NELL2: variants seen among roughly 807,000 people sequenced by gnomAD.
NELL2 encodes the protein protein kinase C-binding protein NELL2.
A neutral mutation model predicts 109.6 loss-of-function variants in NELL2; 41 were observed. The ratio of observed to expected loss-of-function variants is 0.37; its 90% CI spans 0.29 to 0.49. The LOEUF is 0.49. Ranked by LOEUF, NELL2 falls within the 20% of genes least tolerant of loss-of-function variation. NELL2 has a pLI of 0.98. For synonymous variants in NELL2, 355 were observed against 344.7 expected (o/e 1.03, Z -0.33); for missense variants, 900 against 1,008.3 (o/e 0.89, Z 1.45).
At chr12:44,874,179 T>C (rs1945247152) in intron 2 of NELL2, among the ~76,000 whole-genome samples, 2 of 152,178 alleles carry the variant, frequency 1.3e-5, no homozygotes, top group African/African-American at 4.8e-5. Flanking sequence ...TTTTCCGAAG[T>C]GGTTTCCTTT....
chr12:44,865,377 G>A lies in NELL2; in HGVS notation c.184+9848C>T, dbSNP rs1262188621. ...ACACATGCACACGTATGTTTATTGTGGCATTATTCACAATAGCAAAGACTT... is the reference window on the plus strand; with the variant it reads ...ACACATGCACACGTATGTTTATTGTAGCATTATTCACAATAGCAAAGACTT... On this transcript the variant is annotated intron_variant, in intron 2 of 19. Coordinates refer to ENST00000429094, the MANE Select transcript of NELL2 (RefSeq NM_001145108.2). Among the ~76,000 whole-genome samples the A allele has an allele frequency of 2.6e-4, 35 of 134,742 alleles. No homozygotes were observed. The East Asian group carries it at 4.6e-3, about 18-fold the overall frequency. The allele number at this position is 134,742 out of a possible 152,430, so 88.4% of individuals were successfully genotyped here.
intron 12 of NELL2, among the ~76,000 whole-genome samples, chr12:44,681,593 G>A (rs1339206392): frequency 6.6e-6 from 1 of 151,394 alleles, no homozygotes; most frequent in Non-Finnish European, 1.5e-5. Context: ...ACAGTCCCCA[G>A]ACTGTGATGT....
chr12:44,521,433 G>A (rs988515401), intron 18 of NELL2, among the ~76,000 whole-genome samples: 1 of 150,926 alleles, frequency 6.6e-6, no homozygotes, highest in African/African-American at 2.5e-5. Flanking sequence ...GGGAGGCTGA[G>A]GCAGGAGAAT....
upstream of NELL2, among the ~76,000 whole-genome samples, chr12:44,919,139 T>A (rs1367640036): frequency 6.6e-6 from 1 of 152,156 alleles, no homozygotes. Flanking sequence ...CAGCTACTTG[T>A]AGCCACAAAC....
chr12:44,595,365 GA>G (rs1401159107), intron 15 of NELL2, among the ~76,000 whole-genome samples: 1 of 152,170 alleles, frequency 6.6e-6, no homozygotes, highest in Non-Finnish European at 1.5e-5. Flanking sequence ...CCTCATTTAA[GA>G]AGGAGAAGAA....
At chr12:44,684,971 C>A (rs968466507) in intron 12 of NELL2, among the ~76,000 whole-genome samples, 2 of 151,992 alleles carry the variant, frequency 1.3e-5, no homozygotes, top group Non-Finnish European at 2.9e-5. Context: ...CCTGGGTATC[C>A]TTGTTGACTT....
intron 17 of NELL2, 62 bp downstream of exon 17, chr12:44,523,229 A>G (rs1326125964): frequency 2.6e-6 from 4 of 1,550,618 alleles, no homozygotes; most frequent in East Asian, 2.2e-5. Context: ...CCATATACAC[A>G]CTTAAAACAT....
intron 9 of NELL2, among the ~76,000 whole-genome samples, chr12:44,771,261 C>G (rs558242997): frequency 2.0e-5 from 3 of 151,782 alleles, no homozygotes; most frequent in Non-Finnish European, 4.4e-5. Context: ...TAAGACTCAA[C>G]CAGGATTCCA....
At chr12:44,570,321 AT>A in intron 15 of NELL2, among the ~76,000 whole-genome samples, 1 of 152,108 alleles carries the variant, frequency 6.6e-6, no homozygotes, top group East Asian at 1.9e-4. Flanking sequence ...TGTGAGAGGG[AT>A]TTTTCCAGTG....
At chr12:44,645,515 T>C (rs1947062104) in intron 13 of NELL2, among the ~76,000 whole-genome samples, 1 of 152,160 alleles carries the variant, frequency 6.6e-6, no homozygotes, top group African/African-American at 2.4e-5. Flanking sequence ...GTGTCCATGG[T>C]GTTAGCAAAT....
chr12:44,538,628 G>A (rs1242425298), intron 15 of NELL2, among the ~76,000 whole-genome samples: 1 of 152,146 alleles, frequency 6.6e-6, no homozygotes, highest in Non-Finnish European at 1.5e-5. Flanking sequence ...GGTAGGACTG[G>A]GTAAGACTAG....
intron 2 of NELL2, among the ~76,000 whole-genome samples, chr12:44,823,676 T>C (rs1224108552): frequency 6.6e-6 from 1 of 152,230 alleles, no homozygotes; most frequent in African/African-American, 2.4e-5. Context: ...GCTTGGGTAG[T>C]GTCAATAATG....
chr12:44,752,242 G>C (rs1378648812), intron 9 of NELL2, among the ~76,000 whole-genome samples: 1 of 152,074 alleles, frequency 6.6e-6, no homozygotes, highest in East Asian at 1.9e-4. Flanking sequence ...CAAGGAGTGT[G>C]GTTTTATGAA....
chr12:44,671,024 G>A (rs1194520842), intron 12 of NELL2, among the ~76,000 whole-genome samples: 1 of 152,108 alleles, frequency 6.6e-6, no homozygotes, highest in Non-Finnish European at 1.5e-5. Context: ...AAGTTCTCCA[G>A]GATAGAACAC....
intron 2 of NELL2, among the ~76,000 whole-genome samples, chr12:44,870,783 C>T (rs928804162): frequency 3.3e-5 from 5 of 152,088 alleles, no homozygotes; most frequent in African/African-American, 1.2e-4. Context: ...CAGGGCTCAC[C>T]CAGATAACCT....
intron 12 of NELL2, among the ~76,000 whole-genome samples, chr12:44,676,424 T>C (rs989505867): frequency 6.6e-6 from 1 of 152,170 alleles, no homozygotes; most frequent in Non-Finnish European, 1.5e-5. Flanking sequence ...TGAAAGGAAC[T>C]GCCAGCTATC....
intron 14 of NELL2, among the ~76,000 whole-genome samples, chr12:44,608,492 A>AT (rs1175039674): frequency 8.6e-5 from 13 of 151,934 alleles, no homozygotes; most frequent in African/African-American, 3.1e-4. Flanking sequence ...TATCTCTCAG[A>AT]TTTTTCCCAT....
Position 44,520,021 on chromosome 12 carries a change from G to C in NELL2, c.2384C>G (p.Thr795Ser). 2 of 1,614,056 alleles carry C rather than the reference G, an allele frequency of 1.2e-6. No individual in the cohort carries two copies. The highest frequency in any genetic ancestry group is 1.1e-5 in the South Asian group (1 of 91,074). ...GGAGTTTACCTTGCACTGGCAGAGA[G>C]TACACTCAGTGCCATGTTTGATCCA... is the stretch of plus-strand genomic sequence containing the variant. ...SSWIKHGTECTLCQCKNGHIC... is the reference protein window; with the variant it reads ...SSWIKHGTECSLCQCKNGHIC... Residue 795 changes from threonine (T) to serine (S), a missense_variant, in exon 19 of 20, where the codon ACT (threonine) becomes AGT (serine). Physicochemically the swap from Thr to Ser is moderately conservative, Grantham distance 58 (BLOSUM62 1). Transcript: ENST00000429094.
chr12:44,789,947 T>C (rs1446193142), intron 3 of NELL2, among the ~76,000 whole-genome samples: 14 of 151,910 alleles, frequency 9.2e-5, no homozygotes, highest in East Asian at 3.9e-4. Flanking sequence ...TGAGAAAATA[T>C]GAACAAAGCC....
Sources: gnomAD v4.1 joint callset for allele counts (sites outside exome capture counted in the v4.1 genomes callset) on GRCh38, gnomAD v4.1.1 for gene constraint, MANE v1.5 for transcripts, NCBI Gene and HGNC (gene_info 2026-07-23, HGNC 2026-07-21) for gene names.